GALNTL6: variants seen among roughly 807,000 people sequenced by gnomAD.
GALNTL6 encodes polypeptide N-acetylgalactosaminyltransferase-like 6.
A neutral mutation model predicts 73.7 loss-of-function variants in GALNTL6; 46 were observed. That is an observed-to-expected ratio of 0.62 (90% confidence interval 0.49 to 0.80). The LOEUF is 0.80. Among genes scored for constraint, GALNTL6 ranks in the 30% least tolerant of loss-of-function variants. The pLI, the probability that GALNTL6 is intolerant of heterozygous loss-of-function variation, is 0.00. For synonymous variants in GALNTL6, 259 were observed against 263.7 expected, an observed-to-expected ratio of 0.98 and a Z score of 0.17; for missense variants, 604 against 755.0, an observed-to-expected ratio of 0.80 and a Z score of 2.34.
In GALNTL6 at chr4:171,814,444, T is replaced by TTC; in HGVS notation, c.-137_-136insTC. 2.5e-6 allele frequency: 2 copies of TTC among 812,578 alleles called. No homozygotes were observed. The highest frequency in any genetic ancestry group is 3.9e-6 in the Non-Finnish European group (2 of 510,772). The allele number at this position is 812,578 out of a possible 1,614,324, so 50.3% of individuals were successfully genotyped here. A position where few individuals can be genotyped will look rare whatever the true frequency, so the allele number is the denominator to read the frequency against. ...ACTCCCTCTGAATCCTGCAGATTGGTGCTGAGCACGCAACAAAAGTTTGTA... is the reference window on the plus strand; with the variant it reads ...ACTCCCTCTGAATCCTGCAGATTGGTTCGCTGAGCACGCAACAAAAGTTTGTA... On this transcript the variant is annotated 5_prime_UTR_variant, in exon 2 of 13. Coordinates refer to ENST00000506823, the MANE Select transcript of GALNTL6 (RefSeq NM_001034845.3).
intron 5 of GALNTL6, among the ~76,000 whole-genome samples, chr4:172,610,538 T>A (rs1419649459): frequency 6.6e-6 from 1 of 152,070 alleles, no homozygotes; most frequent in Non-Finnish European, 1.5e-5. Flanking sequence ...TTTTTATTGT[T>A]CTGTGGCTTG....
chr4:172,021,480 T>A (rs1741400227), intron 2 of GALNTL6, among the ~76,000 whole-genome samples: 1 of 152,040 alleles, frequency 6.6e-6, no homozygotes, highest in African/African-American at 2.4e-5. Flanking sequence ...ATGTCCATTG[T>A]TTGGAAGAAT....
At chr4:172,151,822 G>A (rs943233163) in intron 2 of GALNTL6, among the ~76,000 whole-genome samples, 3 of 151,864 alleles carry the variant, frequency 2.0e-5, no homozygotes, top group Non-Finnish European at 2.9e-5. Context: ...CACACTTCAT[G>A]GGGGACGGCT....
intron 5 of GALNTL6, among the ~76,000 whole-genome samples, chr4:172,360,098 C>T (rs1209179406): frequency 6.6e-6 from 1 of 152,152 alleles, no homozygotes; most frequent in African/African-American, 2.4e-5. Flanking sequence ...TCTAATAAAA[C>T]CACATGGATT....
chr4:172,670,768 G>A (rs751395002), intron 5 of GALNTL6, among the ~76,000 whole-genome samples: 8 of 152,090 alleles, frequency 5.3e-5, no homozygotes, highest in Admixed American at 6.5e-5. Flanking sequence ...ATTTTCCAGG[G>A]TTTTTATAGT....
chr4:172,567,039 A>T (rs2110939259), intron 5 of GALNTL6, among the ~76,000 whole-genome samples: 1 of 152,242 alleles, frequency 6.6e-6, no homozygotes, highest in South Asian at 2.1e-4. Flanking sequence ...AAAAAAAAAA[A>T]AGAATTCTGT....
At chr4:172,521,933 T>C (rs948966943) in intron 5 of GALNTL6, among the ~76,000 whole-genome samples, 22 of 152,232 alleles carry the variant, frequency 1.4e-4, no homozygotes, top group African/African-American at 5.1e-4. Context: ...GATTATATTG[T>C]GTGCTACGTA....
At chr4:172,253,429 A>C (rs1315200368) in intron 3 of GALNTL6, among the ~76,000 whole-genome samples, 1 of 151,972 alleles carries the variant, frequency 6.6e-6, no homozygotes, top group Non-Finnish European at 1.5e-5. Context: ...AGCCAGGGGA[A>C]TCTCATAGAC....
intron 2 of GALNTL6, among the ~76,000 whole-genome samples, chr4:171,838,234 C>G (rs1397062313): frequency 2.6e-5 from 4 of 152,026 alleles, no homozygotes; most frequent in African/African-American, 9.7e-5. Flanking sequence ...AGCAATTCTC[C>G]TGACTCAGCC....
At chr4:172,573,438 A>G (rs2110954718) in intron 5 of GALNTL6, among the ~76,000 whole-genome samples, 1 of 152,312 alleles carries the variant, frequency 6.6e-6, no homozygotes, top group Admixed American at 6.5e-5. Context: ...GCGTTTAAAA[A>G]ATAGAATCAT....
chr4:172,800,614 T>C (rs1740585081), intron 5 of GALNTL6, among the ~76,000 whole-genome samples: 1 of 152,202 alleles, frequency 6.6e-6, no homozygotes, highest in Admixed American at 6.5e-5. Context: ...ATAAAGTTTG[T>C]AATCTATATA....
At chr4:172,624,555 C>A (rs1739082554) in intron 5 of GALNTL6, among the ~76,000 whole-genome samples, 1 of 151,994 alleles carries the variant, frequency 6.6e-6, no homozygotes, top group Admixed American at 6.6e-5. Context: ...ATCTGAAATC[C>A]ATGGAGTCTA....
chr4:172,298,147 C>T (rs1308680862), intron 3 of GALNTL6, among the ~76,000 whole-genome samples: 17 of 152,238 alleles, frequency 1.1e-4, no homozygotes, highest in South Asian at 4.1e-4. Context: ...TGATTTGGCT[C>T]TCTGTTTGTC....
intron 5 of GALNTL6, among the ~76,000 whole-genome samples, chr4:172,452,322 A>G (rs1732243598): frequency 6.6e-6 from 1 of 151,768 alleles, no homozygotes; most frequent in South Asian, 2.1e-4. Flanking sequence ...TTATATATAT[A>G]AAAATAAATA....
chr4:172,969,893 T>G (rs2610211), intron 10 of GALNTL6, among the ~76,000 whole-genome samples: 152,067 of 152,316 alleles, frequency 1, 75,910 homozygotes, highest in Middle Eastern at 1. Context: ...TTCAATGTAG[T>G]TTATTTCTAT....
At chr4:172,529,380 A>G (rs1355230721) in intron 5 of GALNTL6, among the ~76,000 whole-genome samples, 2 of 152,062 alleles carry the variant, frequency 1.3e-5, no homozygotes, top group Non-Finnish European at 2.9e-5. Flanking sequence ...TGAAACTGCT[A>G]AATAGTAATC....
At chr4:172,826,017 A>G (rs1742247718) in intron 7 of GALNTL6, among the ~76,000 whole-genome samples, 1 of 152,226 alleles carries the variant, frequency 6.6e-6, no homozygotes, top group Non-Finnish European at 1.5e-5. Flanking sequence ...TGAAACATAC[A>G]GTTACAACTC....
At chr4:172,940,609 C>T (rs1349239084) in intron 9 of GALNTL6, among the ~76,000 whole-genome samples, 1 of 152,070 alleles carries the variant, frequency 6.6e-6, no homozygotes, top group African/African-American at 2.4e-5. Flanking sequence ...GATCTACCTG[C>T]CTCAGCCTCC....
intron 4 of GALNTL6, among the ~76,000 whole-genome samples, chr4:172,321,916 T>G (rs1435924787): frequency 6.6e-6 from 1 of 152,108 alleles, no homozygotes; most frequent in Non-Finnish European, 1.5e-5. Flanking sequence ...CATCTGAAAC[T>G]GGTGATCAGC....
Sources: allele counts gnomAD v4.1 joint callset (sites outside exome capture counted in the v4.1 genomes callset), GRCh38; gene constraint gnomAD v4.1.1; transcripts MANE v1.5; gene names NCBI Gene and HGNC (gene_info 2026-07-23, HGNC 2026-07-21).